The following CHSY3 variants were observed in gnomAD, a reference collection of about 807,000 sequenced individuals.
CHSY3 encodes the protein N-acetylgalactosaminyl-proteoglycan 3-beta-glucuronosyltransferase 3.
Under a neutral mutation model 67.2 loss-of-function variants are expected in CHSY3, and 35 were observed. The ratio of observed to expected loss-of-function variants is 0.52; its 90% confidence interval spans 0.40 to 0.69. The LOEUF is 0.69. Among genes scored for constraint, CHSY3 ranks in the 30% least tolerant of loss-of-function variants. CHSY3 has a pLI of 0.00. For missense variants in CHSY3, 1,069 were observed against 1,138.5 expected (o/e 0.94, Z 0.88); for synonymous variants, 474 against 434.7 (o/e 1.09, Z -1.12).
rs187165217 is a variant in CHSY3, at chr5:129,915,665, T to C, written c.1086+7305T>C. On this transcript the variant is annotated intron_variant, in intron 2 of 2. Transcript: ENST00000305031. ...CATTATTTTTTATTGCAAAGCTATT[T>C]GTTTATTTGTAGAGTTTCTGTGTCT... 5.6e-4 allele frequency among the ~76,000 whole-genome samples: 85 copies of C among 152,312 alleles called. 1 individual carries two copies. The highest frequency in any genetic ancestry group is 8.2e-4 in the Non-Finnish European group (56 of 68,020).
intron 2 of CHSY3, among the ~76,000 whole-genome samples, chr5:130,120,551 C>A (rs1283503053): frequency 6.8e-6 from 1 of 146,026 alleles, no homozygotes; most frequent in African/African-American, 2.5e-5. Context: ...TAGTTGTGAA[C>A]AGAGCTGACC....
In CHSY3 at chr5:130,144,513, T is replaced by C. The variant is rs554190726; in HGVS notation, c.1087-39716T>C. On this transcript the variant is annotated intron_variant, in intron 2 of 2. Coordinates refer to ENST00000305031, the MANE Select transcript of CHSY3 (RefSeq NM_175856.5). ...TTAATGAAAGAAATTGAAGGCACAA[T>C]TAAGTGGAAAGAAACCCCATGTTCA... Among the ~76,000 whole-genome samples, 4 of 152,090 alleles carry C rather than the reference T, an allele frequency of 2.6e-5. No homozygotes were observed. The East Asian group carries it at 7.7e-4, about 29-fold the overall frequency.
intron 2 of CHSY3, among the ~76,000 whole-genome samples, chr5:130,087,399 T>C (rs1580720470): frequency 1.3e-5 from 2 of 152,114 alleles, no homozygotes; most frequent in East Asian, 1.9e-4. Context: ...AATAAAGGTA[T>C]TCAATTAGGA....
chr5:130,014,573 G>A (rs1484386402), intron 2 of CHSY3, among the ~76,000 whole-genome samples: 1 of 152,088 alleles, frequency 6.6e-6, no homozygotes, highest in African/African-American at 2.4e-5. Context: ...CAGCATGGGG[G>A]AATCTCCTTG....
rs536474536 is a variant in CHSY3, at chr5:130,033,301, C to A, written c.1086+124941C>A. Among the ~76,000 whole-genome samples the A allele has an allele frequency of 3.9e-5, 6 of 152,198 alleles. No individual in the cohort carries two copies. In the South Asian group the frequency reaches 1.2e-3, roughly 32 times the overall value. On this transcript the variant is annotated intron_variant, in intron 2 of 2. Coordinates refer to ENST00000305031, the MANE Select transcript of CHSY3 (RefSeq NM_175856.5). ...TTCAATTATTTTATCCCTTCAACCC[C>A]GGCATATATACAACTATTCTCTTTC...
chr5:130,114,646 A>G (rs1767723381), intron 2 of CHSY3: 1 of 152,208 alleles, frequency 6.6e-6, no homozygotes, highest in Non-Finnish European at 1.5e-5. Context: ...AAAAATCGGT[A>G]ATGAATTAAC....
chr5:129,920,140 A>C (rs1488761442), intron 2 of CHSY3, among the ~76,000 whole-genome samples: 1 of 152,038 alleles, frequency 6.6e-6, no homozygotes, highest in Non-Finnish European at 1.5e-5. Context: ...CCACCATTCT[A>C]CTCTCCATCT....
intron 2 of CHSY3, among the ~76,000 whole-genome samples, chr5:129,936,323 T>A (rs538625464): frequency 1.9e-4 from 29 of 152,202 alleles, no homozygotes; most frequent in East Asian, 3.9e-4. Flanking sequence ...GAATTTTTTT[T>A]AAAAAGGATC....
Position 129,905,229 on chromosome 5 carries a change from C to G in CHSY3, c.400C>G (p.Pro134Ala), listed in dbSNP as rs1760215524. Residue 134 changes from proline (P) to alanine (A), a missense_variant, in exon 1 of 3, where the codon CCC becomes GCC. By Grantham distance (27) the Pro-to-Ala change is conservative. Transcript: ENST00000305031. ...LPGAPAAEGE[P>A]EEEDGGAAGQ... ...CGGTGCTCCAGCGGCCGAGGGGGAG[C>G]CCGAGGAGGAGGACGGGGGCGCGGC... 1.3e-6 allele frequency: 2 copies of G among 1,494,746 alleles called. No individual in the cohort carries two copies. Among genetic ancestry groups the G allele is most frequent in the East Asian group, 2.6e-5 (1 of 38,704 alleles). The allele number at this position is 1,494,746 out of a possible 1,614,324, so 92.6% of individuals were successfully genotyped here.
intron 2 of CHSY3, among the ~76,000 whole-genome samples, chr5:130,159,504 A>G (rs781699482): frequency 4.6e-5 from 7 of 152,190 alleles, no homozygotes; most frequent in Non-Finnish European, 8.8e-5. Flanking sequence ...TGTTTTATGT[A>G]GTACTTGAAT....
At chr5:130,035,671 C>T (rs4544856) in intron 2 of CHSY3, among the ~76,000 whole-genome samples, 79,186 of 151,862 alleles carry the variant, frequency 0.52, 21,316 homozygotes, top group East Asian at 0.67. Flanking sequence ...GTAATCATTT[C>T]TGTTCATGAG....
chr5:130,160,515 A>G (rs1769499083), intron 2 of CHSY3, among the ~76,000 whole-genome samples: 1 of 152,206 alleles, frequency 6.6e-6, no homozygotes, highest in Non-Finnish European at 1.5e-5. Context: ...TTTGAAATCC[A>G]CTAAACAGTT....
At chr5:130,180,711 G>A (rs953165640) in intron 2 of CHSY3, among the ~76,000 whole-genome samples, 30 of 151,780 alleles carry the variant, frequency 2.0e-4, no homozygotes, top group African/African-American at 5.6e-4. Context: ...AAAATTAGCC[G>A]GGTGCGGTGG....
rs1762364136 is a variant in CHSY3, at chr5:129,962,619, C to A, written c.1086+54259C>A. ...CCATGAGATCCTGCATGGTCTGACACCTGTGTGCTTTTGCAGCTCTGTCTC... is the reference window on the plus strand; with the variant it reads ...CCATGAGATCCTGCATGGTCTGACAACTGTGTGCTTTTGCAGCTCTGTCTC... On this transcript the variant is annotated intron_variant, in intron 2 of 2. Coordinates refer to ENST00000305031, the MANE Select transcript of CHSY3 (RefSeq NM_175856.5). Among the ~76,000 whole-genome samples, 2 of 152,020 alleles carry A rather than the reference C, an allele frequency of 1.3e-5. 1 individual carries two copies. The highest frequency in any genetic ancestry group is 4.1e-4 in the South Asian group (2 of 4,832).
At chr5:130,042,981 A>G (rs531263786) in intron 2 of CHSY3, among the ~76,000 whole-genome samples, 1 of 152,252 alleles carries the variant, frequency 6.6e-6, no homozygotes, top group East Asian at 1.9e-4. Flanking sequence ...ATAGGCAGTT[A>G]AGTAATTGGC....
intron 2 of CHSY3, among the ~76,000 whole-genome samples, chr5:130,052,856 G>T (rs1055332436): frequency 6.6e-6 from 1 of 151,974 alleles, no homozygotes; most frequent in Non-Finnish European, 1.5e-5. Context: ...ACAGAAAAAT[G>T]GACTCAGTAA....
chr5:130,125,509 T>G (rs1768251428), intron 2 of CHSY3, among the ~76,000 whole-genome samples: 2 of 152,166 alleles, frequency 1.3e-5, no homozygotes, highest in South Asian at 4.1e-4. Context: ...TTTCTTCCTT[T>G]TCAACTCATC....
intron 2 of CHSY3, among the ~76,000 whole-genome samples, chr5:130,011,846 G>C (rs1159874138): frequency 6.6e-6 from 1 of 152,078 alleles, no homozygotes; most frequent in East Asian, 1.9e-4. Context: ...AAATCAAGAA[G>C]ACAATCCCAT....
At chr5:129,985,807 G>C (rs1156809619) in intron 2 of CHSY3, among the ~76,000 whole-genome samples, 1 of 152,040 alleles carries the variant, frequency 6.6e-6, no homozygotes, top group Non-Finnish European at 1.5e-5. Context: ...TTGTGGTCTT[G>C]ATTTGTCTCT....
Sources: gnomAD v4.1 joint callset for allele counts (sites outside exome capture counted in the v4.1 genomes callset) on GRCh38, gnomAD v4.1.1 for gene constraint, MANE v1.5 for transcripts, NCBI Gene and HGNC (gene_info 2026-07-23, HGNC 2026-07-21) for gene names.